The following NTRK2 variants were observed in gnomAD, a reference collection of about 807,000 sequenced individuals.
The protein encoded by NTRK2 is BDNF/NT-3 growth factors receptor.
A neutral mutation model predicts 94.5 loss-of-function variants in NTRK2; 13 were observed. The ratio of observed to expected loss-of-function variants is 0.14; its 90% CI spans 0.09 to 0.22. The LOEUF (loss-of-function observed/expected upper bound fraction) is 0.22, where lower values mean the gene tolerates loss of function less well. NTRK2 is among the 10% of genes least tolerant of loss of function. NTRK2 has a pLI of 1.00. For synonymous variants in NTRK2, 372 were observed against 407.4 expected (o/e 0.91, Z 1.05); for missense variants, 639 against 1,071.2 (o/e 0.60, Z 5.63).
At chr9:84,901,461 T>C (rs2076927589) in intron 14 of NTRK2, among the ~76,000 whole-genome samples, 1 of 151,984 alleles carries the variant, frequency 6.6e-6, no homozygotes, top group African/African-American at 2.4e-5. Context: ...CTTGATCTCC[T>C]GACCTCGTGA....
intron 6 of NTRK2, among the ~76,000 whole-genome samples, chr9:84,721,135 T>C (rs1564122781): frequency 6.6e-6 from 1 of 152,110 alleles, no homozygotes; most frequent in Admixed American, 6.6e-5. Flanking sequence ...ATTAGATGGT[T>C]CTGGTGTTAG....
chr9:84,826,405 C>T (rs139403162), intron 12 of NTRK2, among the ~76,000 whole-genome samples: 13 of 152,248 alleles, frequency 8.5e-5, no homozygotes, highest in East Asian at 5.8e-4. Flanking sequence ...CCTAAATCCA[C>T]GATAATCTCA....
chr9:84,670,664 G>A lies in NTRK2; in HGVS notation c.-85G>A, dbSNP rs2058641286. 2 of 1,361,776 alleles carry A rather than the reference G, an allele frequency of 1.5e-6. No individual in the cohort carries two copies. The highest frequency in any genetic ancestry group is 1.2e-5 in the South Asian group (1 of 85,614). 84.4% of individuals were successfully genotyped at this position (1,361,776 alleles called of 1,614,324 possible). A position where few individuals can be genotyped will look rare whatever the true frequency, so the allele number is the denominator to read the frequency against. ...CCGAGGAGTTAAGAGAGCCGCAAGCGCAGGGAAGGCCTCCCCGCACGGGTG... is the reference window on the plus strand; with the variant it reads ...CCGAGGAGTTAAGAGAGCCGCAAGCACAGGGAAGGCCTCCCCGCACGGGTG... On this transcript the variant is annotated 5_prime_UTR_variant, in exon 2 of 19. Transcript: ENST00000277120.
At position 84,812,954 on chromosome 9, in the gene NTRK2, CT is replaced by C. The variant is rs557205494; in HGVS notation, c.1397-48078del. The C allele has an allele frequency of 2.8e-5, 29 of 1,032,244 alleles. No homozygotes were observed. The South Asian group carries it at 4.2e-4, about 15-fold the overall frequency. The allele number at this position is 1,032,244 out of a possible 1,614,324, so 63.9% of individuals were successfully genotyped here. A position where few individuals can be genotyped will look rare whatever the true frequency, so the allele number is the denominator to read the frequency against. On this transcript the variant is annotated intron_variant, in intron 12 of 18. Coordinates refer to ENST00000277120, the MANE Select transcript of NTRK2 (RefSeq NM_006180.6). ...TTTCATATAGTTCTCGTGTTCTTTT[CT>C]TTTTTTTAATCCCTGAAGGGATGAT...
At chr9:84,723,744 G>A in intron 7 of NTRK2, 35 bp downstream of exon 7, 1 of 1,613,410 alleles carries the variant, frequency 6.2e-7, no homozygotes, top group Non-Finnish European at 8.5e-7. Context: ...TTAATAGAGA[G>A]ACAAGAGTGT....
chr9:84,957,759 G>C (rs1824331640), intron 17 of NTRK2, among the ~76,000 whole-genome samples: 1 of 152,204 alleles, frequency 6.6e-6, no homozygotes, highest in Admixed American at 6.5e-5. Flanking sequence ...CAAGAGAACT[G>C]AAATAATATG....
intron 12 of NTRK2, among the ~76,000 whole-genome samples, chr9:84,804,216 A>G (rs896656885): frequency 2.0e-5 from 3 of 151,986 alleles, no homozygotes; most frequent in East Asian, 1.9e-4. Flanking sequence ...TTACTCTTCA[A>G]TAATTGTGTT....
In NTRK2 at chr9:84,889,233, G is replaced by T. The variant is rs951104650; in HGVS notation, c.1633+21802G>T. ...TCTCGATCTCCTGACCTCGTGATCC[G>T]CCCGCCTCGGCCTCCCAAAGTGCTG... On this transcript the variant is annotated intron_variant, in intron 14 of 18. Coordinates refer to ENST00000277120, the MANE Select transcript of NTRK2 (RefSeq NM_006180.6). Among the ~76,000 whole-genome samples, 5 of 149,674 alleles carry T rather than the reference G, an allele frequency of 3.3e-5. No homozygotes were observed. In the South Asian group the frequency reaches 1.1e-3, roughly 31 times the overall value.
intron 17 of NTRK2, among the ~76,000 whole-genome samples, chr9:84,964,514 G>A (rs145997252): frequency 6.6e-6 from 1 of 152,210 alleles, no homozygotes; most frequent in African/African-American, 2.4e-5. Context: ...AACTCAGCTC[G>A]GTATTCAACG....
chr9:84,793,713 T>C (rs2068967803), intron 12 of NTRK2, among the ~76,000 whole-genome samples: 1 of 152,274 alleles, frequency 6.6e-6, no homozygotes, highest in Admixed American at 6.5e-5. Context: ...ATTTCCATTT[T>C]GTTCTATTTC....
At chr9:84,773,074 C>CA (rs1564238601) in intron 12 of NTRK2, among the ~76,000 whole-genome samples, 1 of 151,322 alleles carries the variant, frequency 6.6e-6, no homozygotes, top group African/African-American at 2.4e-5. Flanking sequence ...CCTGCCAAGC[C>CA]TTTTTTTTTA....
intron 17 of NTRK2, among the ~76,000 whole-genome samples, chr9:84,960,645 G>A (rs1824804363): frequency 6.6e-6 from 1 of 152,158 alleles, no homozygotes; most frequent in East Asian, 1.9e-4. Flanking sequence ...TCTATGAGGA[G>A]CAGCATAAGA....
intron 2 of NTRK2, among the ~76,000 whole-genome samples, chr9:84,675,319 C>G (rs1168808700): frequency 1.8e-5 from 1 of 54,596 alleles, no homozygotes; most frequent in South Asian, 5.4e-4. Context: ...TTCTTTCTTT[C>G]TTTCCTTTTT....
chr9:84,745,295 T>A (rs916127707), intron 11 of NTRK2, among the ~76,000 whole-genome samples: 1 of 152,212 alleles, frequency 6.6e-6, no homozygotes, highest in East Asian at 1.9e-4. Flanking sequence ...TGGTTGTTAG[T>A]GGTTCCTATT....
intron 12 of NTRK2, among the ~76,000 whole-genome samples, chr9:84,857,064 C>G (rs1368562369): frequency 2.0e-5 from 3 of 151,910 alleles, no homozygotes; most frequent in Non-Finnish European, 4.4e-5. Context: ...TTTCAACCCC[C>G]TATGTTTTAG....
At chr9:84,870,331 G>GTGTGTGTGTATATATATATATA (rs1349303529) in intron 14 of NTRK2, among the ~76,000 whole-genome samples, 14 of 31,178 alleles carry the variant, frequency 4.5e-4, no homozygotes, top group African/African-American at 5.3e-4. Context: ...GTGTGTGTGT[G>GTGTGTGTGTATATATATATATA]TATATATATA....
intron 12 of NTRK2, chr9:84,815,654 C>T (rs549059473): frequency 1.0e-6 from 1 of 991,170 alleles, no homozygotes; most frequent in Non-Finnish European, 1.2e-6. Flanking sequence ...CATAAATGTA[C>T]TTGCTGAATT....
chr9:84,826,710 G>A lies in NTRK2; in HGVS notation c.1397-34330G>A, dbSNP rs115051146. 3.9e-3 allele frequency among the ~76,000 whole-genome samples: 592 copies of A among 152,232 alleles called. 5 individuals are homozygous for A. Among genetic ancestry groups the A allele is most frequent in the African/African-American group, 0.013 (558 of 41,516 alleles). On this transcript the variant is annotated intron_variant, in intron 12 of 18. Transcript: ENST00000277120. ...AAAGGGGGATACTCATTTCCACCAC[G>A]TAGATTGTGAGAATAAGTTAACAAT...
intron 12 of NTRK2, among the ~76,000 whole-genome samples, chr9:84,826,244 G>T (rs971221232): frequency 6.6e-6 from 1 of 152,116 alleles, no homozygotes; most frequent in Non-Finnish European, 1.5e-5. Context: ...GGACCTGAGG[G>T]TCTCTCTTAG....
Sources: allele counts gnomAD v4.1 joint callset (sites outside exome capture counted in the v4.1 genomes callset), GRCh38; gene constraint gnomAD v4.1.1; transcripts MANE v1.5; gene names NCBI Gene and HGNC (gene_info 2026-07-23, HGNC 2026-07-21).